The following ANKS1B variants were observed in gnomAD, a reference collection of about 807,000 sequenced individuals.
ANKS1B encodes the protein ankyrin repeat and sterile alpha motif domain containing 1B.
ANKS1B carries 36 observed loss-of-function variants against 148.3 expected under a neutral mutation model. The observed-to-expected ratio is 0.24, with a 90% CI of 0.19 to 0.32. The LOEUF (loss-of-function observed/expected upper bound fraction) is 0.32, where lower values mean the gene tolerates loss of function less well. Ranked by LOEUF, ANKS1B falls within the 10% of genes least tolerant of loss-of-function variation. The pLI is 1.00. For missense variants in ANKS1B, 1,157 were observed against 1,542.6 expected (o/e 0.75, Z 4.19); for synonymous variants, 542 against 560.8 (o/e 0.97, Z 0.47).
At chr12:99,712,128 A>G (rs2056723139) in intron 8 of ANKS1B, among the ~76,000 whole-genome samples, 1 of 152,234 alleles carries the variant, frequency 6.6e-6, no homozygotes, top group Non-Finnish European at 1.5e-5. Flanking sequence ...CGCACTTACA[A>G]GTGGGAGCTG....
intron 1 of ANKS1B, among the ~76,000 whole-genome samples, chr12:99,934,766 A>G (rs2094715907): frequency 6.6e-6 from 1 of 152,128 alleles, no homozygotes; most frequent in South Asian, 2.1e-4. Context: ...AGATTAATAC[A>G]AAAAAGAAAA....
chr12:99,858,371 AT>A (rs774009732), intron 1 of ANKS1B, among the ~76,000 whole-genome samples: 58 of 152,282 alleles, frequency 3.8e-4, no homozygotes, highest in African/African-American at 1.1e-3. Flanking sequence ...AATCAAAAAA[AT>A]AATAGATGGT....
chr12:99,512,048 C>T (rs2096771716), intron 9 of ANKS1B, among the ~76,000 whole-genome samples: 1 of 151,948 alleles, frequency 6.6e-6, no homozygotes, highest in African/African-American at 2.4e-5. Flanking sequence ...GCAACAAAAA[C>T]AAAAATTGAC....
intron 17 of ANKS1B, among the ~76,000 whole-genome samples, chr12:98,858,374 T>C (rs1462956345): frequency 1.3e-5 from 2 of 152,208 alleles, no homozygotes; most frequent in Admixed American, 6.5e-5. Context: ...GACAGTGTCT[T>C]GCTCTGTCAG....
At chr12:99,332,246 A>G (rs1225150965) in intron 12 of ANKS1B, among the ~76,000 whole-genome samples, 2 of 152,062 alleles carry the variant, frequency 1.3e-5, no homozygotes, top group Non-Finnish European at 2.9e-5. Context: ...ATCGTAGATG[A>G]TTCATGCGCA....
chr12:99,683,254 A>T (rs529644585), intron 8 of ANKS1B, among the ~76,000 whole-genome samples: 1 of 152,308 alleles, frequency 6.6e-6, no homozygotes, highest in Admixed American at 6.5e-5. Flanking sequence ...CCAAGAAAAG[A>T]GAGAATATCC....
chr12:99,109,139 A>G (rs1189942372), intron 15 of ANKS1B, among the ~76,000 whole-genome samples: 1 of 152,058 alleles, frequency 6.6e-6, no homozygotes, highest in Non-Finnish European at 1.5e-5. Flanking sequence ...TGAGCTGTAG[A>G]ATGTTCCCAG....
intron 1 of ANKS1B, among the ~76,000 whole-genome samples, chr12:99,961,107 T>TAGGGG (rs1336099890): frequency 6.6e-6 from 1 of 152,074 alleles, no homozygotes; most frequent in Non-Finnish European, 1.5e-5. Context: ...CAGGCGCCTG[T>TAGGGG]AGTCTCAGCT....
chr12:99,825,797 T>G (rs1419205716), intron 1 of ANKS1B, among the ~76,000 whole-genome samples: 2 of 152,178 alleles, frequency 1.3e-5, no homozygotes, highest in Admixed American at 6.5e-5. Context: ...GTGCCGGTGA[T>G]TTATATAAGT....
intron 8 of ANKS1B, among the ~76,000 whole-genome samples, chr12:99,760,095 A>G (rs377605220): frequency 9.9e-5 from 15 of 152,062 alleles, no homozygotes; most frequent in African/African-American, 3.6e-4. Context: ...GAATGCTCAT[A>G]ATATAGATGC....
At chr12:99,168,968 A>G (rs565991068) in intron 14 of ANKS1B, among the ~76,000 whole-genome samples, 159 of 152,360 alleles carry the variant, frequency 1.0e-3, no homozygotes, top group Middle Eastern at 3.4e-3. Context: ...TTTTAAAAGT[A>G]AAAGGCAGCT....
intron 22 of ANKS1B, among the ~76,000 whole-genome samples, chr12:98,787,541 C>A (rs79759742): frequency 1.3e-5 from 2 of 152,228 alleles, no homozygotes; most frequent in African/African-American, 4.8e-5. Context: ...TCATAGGATT[C>A]GATCTAATGG....
chr12:99,674,632 A>T (rs1379918347), intron 8 of ANKS1B, among the ~76,000 whole-genome samples: 1 of 151,826 alleles, frequency 6.6e-6, no homozygotes, highest in Non-Finnish European at 1.5e-5. Context: ...TTACTCAATA[A>T]ACTATGATGG....
chr12:98,741,151 C>T (rs1049199598), downstream of ANKS1B, among the ~76,000 whole-genome samples: 1 of 152,192 alleles, frequency 6.6e-6, no homozygotes, highest in Non-Finnish European at 1.5e-5. Context: ...TTCTTTAGTT[C>T]AATTCCTAAC....
intron 14 of ANKS1B, among the ~76,000 whole-genome samples, chr12:99,175,648 A>T (rs998970036): frequency 1.3e-5 from 2 of 152,186 alleles, no homozygotes; most frequent in Non-Finnish European, 2.9e-5. Context: ...CATAGTAAAA[A>T]ATAGGACATA....
At chr12:99,930,067 G>C (rs1470032625) in intron 1 of ANKS1B, among the ~76,000 whole-genome samples, 1 of 151,904 alleles carries the variant, frequency 6.6e-6, no homozygotes, top group African/African-American at 2.4e-5. Context: ...GGATGGCATT[G>C]AATCTATAAA....
chr12:99,863,557 T>C (rs1239385104), intron 1 of ANKS1B, among the ~76,000 whole-genome samples: 1 of 150,972 alleles, frequency 6.6e-6, no homozygotes, highest in African/African-American at 2.4e-5. Flanking sequence ...CTACTAAGAA[T>C]ACAAAAAATT....
chr12:99,678,750 G>GTTTAATT (rs1380868709), intron 8 of ANKS1B, among the ~76,000 whole-genome samples: 1 of 152,130 alleles, frequency 6.6e-6, no homozygotes, highest in Non-Finnish European at 1.5e-5. Context: ...TTTTCTTAGA[G>GTTTAATT]ACTCCAAAAC....
At chr12:98,909,970 G>A (rs1158409535) in intron 17 of ANKS1B, among the ~76,000 whole-genome samples, 1 of 152,208 alleles carries the variant, frequency 6.6e-6, no homozygotes, top group African/African-American at 2.4e-5. Flanking sequence ...ATGGGCTTCT[G>A]AGCATTCATA....
Sources: gnomAD v4.1 joint callset for allele counts (sites outside exome capture counted in the v4.1 genomes callset) on GRCh38, gnomAD v4.1.1 for gene constraint, MANE v1.5 for transcripts, NCBI Gene and HGNC (gene_info 2026-07-23, HGNC 2026-07-21) for gene names.